PLCL1: variants seen among roughly 807,000 people sequenced by gnomAD.
PLCL1 encodes the protein phospholipase C like 1 (inactive), also known as inactive phospholipase C-like protein 1.
PLCL1 carries 41 observed loss-of-function variants against 84.4 expected under a neutral mutation model. The observed-to-expected ratio is 0.49, with a 90% CI of 0.38 to 0.63. The LOEUF (loss-of-function observed/expected upper bound fraction) is 0.63, where lower values mean the gene tolerates loss of function less well. Ranked by LOEUF, PLCL1 falls within the 30% of genes least tolerant of loss-of-function variation. PLCL1 has a pLI of 0.00. For missense variants in PLCL1, 1,206 were observed against 1,367.8 expected (o/e 0.88, Z 1.87); for synonymous variants, 490 against 488.3 (o/e 1.00, Z -0.05).
chr2:197,927,767 TA>T (rs1455180431), intron 1 of PLCL1, among the ~76,000 whole-genome samples: 1 of 152,186 alleles, frequency 6.6e-6, no homozygotes, highest in African/African-American at 2.4e-5. Context: ...GGTGAGATAC[TA>T]AGATGAAATA....
chr2:198,098,987 T>G (rs1297879995), intron 3 of PLCL1, among the ~76,000 whole-genome samples: 1 of 152,168 alleles, frequency 6.6e-6, no homozygotes, highest in Non-Finnish European at 1.5e-5. Flanking sequence ...AGTCCTCTAT[T>G]CTTTTAGAGA....
At chr2:198,116,185 T>G (rs1337156592) in intron 5 of PLCL1, among the ~76,000 whole-genome samples, 3 of 151,600 alleles carry the variant, frequency 2.0e-5, no homozygotes, top group African/African-American at 7.3e-5. Flanking sequence ...AGCAAAAAAG[T>G]TACCCTGGAG....
chr2:197,959,192 A>G (rs938683793), intron 1 of PLCL1, among the ~76,000 whole-genome samples: 9 of 152,078 alleles, frequency 5.9e-5, no homozygotes, highest in Non-Finnish European at 1.3e-4. Flanking sequence ...AAAGAGATTT[A>G]TTATTAAGAA....
rs764761564 is a variant in PLCL1 at position 198,083,951 on chromosome 2, G to A, written c.434G>A (p.Arg145His). 105 of 1,613,924 alleles carry A rather than the reference G, an allele frequency of 6.5e-5. No individual in the cohort carries two copies. Among genetic ancestry groups the A allele is most frequent in the Middle Eastern group, 3.3e-4 (2 of 6,082 alleles). Residue 145 changes from arginine (R) to histidine (H), a missense_variant, in exon 2 of 6, where the codon CGC becomes CAC. Coordinates refer to ENST00000428675, the MANE Select transcript of PLCL1 (RefSeq NM_006226.4). ...FTLDTDLQAL[R>H]WEPSKKDLEK... ...CTGGACACAGACCTTCAAGCTCTTC[G>A]CTGGGAACCTTCAAAGAAAGACCTC...
At chr2:198,115,367 C>G (rs1693719692) in intron 5 of PLCL1, among the ~76,000 whole-genome samples, 1 of 151,780 alleles carries the variant, frequency 6.6e-6, no homozygotes. Flanking sequence ...AGGTCTGTGT[C>G]TGGCCATGTC....
intron 1 of PLCL1, among the ~76,000 whole-genome samples, chr2:197,872,510 C>T (rs1192656528): frequency 6.6e-6 from 1 of 152,144 alleles, no homozygotes. Flanking sequence ...TGGTTAAGGG[C>T]TGTGCCACAG....
intron 1 of PLCL1, among the ~76,000 whole-genome samples, chr2:198,048,832 C>T (rs1309403301): frequency 6.6e-6 from 1 of 152,210 alleles, no homozygotes; most frequent in Non-Finnish European, 1.5e-5. Flanking sequence ...AGCGGCCCCA[C>T]CTCCCATTAC....
chr2:197,894,471 A>G (rs1411985185), intron 1 of PLCL1, among the ~76,000 whole-genome samples: 1 of 151,972 alleles, frequency 6.6e-6, no homozygotes, highest in Non-Finnish European at 1.5e-5. Flanking sequence ...TACATGGGAG[A>G]AGAGAAGGGG....
chr2:197,977,885 C>G (rs1690020099), intron 1 of PLCL1, among the ~76,000 whole-genome samples: 1 of 152,162 alleles, frequency 6.6e-6, no homozygotes, highest in South Asian at 2.1e-4. Flanking sequence ...CCCAGATTTT[C>G]CCACCTCTGT....
At chr2:198,114,251 C>G (rs1026976669) in intron 5 of PLCL1, among the ~76,000 whole-genome samples, 1 of 151,780 alleles carries the variant, frequency 6.6e-6, no homozygotes, top group Non-Finnish European at 1.5e-5. Flanking sequence ...GCTGTGCTGC[C>G]CAGGAGTTTA....
At chr2:197,809,550 C>G (rs1310424700) in intron 1 of PLCL1, among the ~76,000 whole-genome samples, 2 of 152,144 alleles carry the variant, frequency 1.3e-5, no homozygotes, top group Non-Finnish European at 2.9e-5. Flanking sequence ...CTGTCTTTGG[C>G]TATTTTGTTA....
intron 1 of PLCL1, among the ~76,000 whole-genome samples, chr2:197,978,550 A>T (rs1312805706): frequency 6.6e-6 from 1 of 152,258 alleles, no homozygotes. Flanking sequence ...CCACAAAAAC[A>T]TCACCAAAAC....
chr2:197,945,629 T>C (rs1689257028), intron 1 of PLCL1, among the ~76,000 whole-genome samples: 1 of 152,188 alleles, frequency 6.6e-6, no homozygotes, highest in Non-Finnish European at 1.5e-5. Context: ...TTGTGGGAAC[T>C]TGAGCAAGTT....
chr2:197,839,790 G>A (rs1686953139), intron 1 of PLCL1, among the ~76,000 whole-genome samples: 1 of 152,100 alleles, frequency 6.6e-6, no homozygotes. Context: ...ATCCATATAT[G>A]ATTTTTATTT....
At chr2:198,110,728 G>C (rs1258129301) in intron 5 of PLCL1, among the ~76,000 whole-genome samples, 1 of 151,750 alleles carries the variant, frequency 6.6e-6, no homozygotes, top group East Asian at 2.0e-4. Flanking sequence ...GTTCAAACCA[G>C]GCTCTTCCAA....
intron 1 of PLCL1, among the ~76,000 whole-genome samples, chr2:197,861,435 T>C (rs1687432512): frequency 6.6e-6 from 1 of 152,200 alleles, no homozygotes; most frequent in African/African-American, 2.4e-5. Context: ...GTATCCTTTG[T>C]AACATCGTTT....
chr2:198,094,043 T>A (rs1191636213), intron 3 of PLCL1, among the ~76,000 whole-genome samples: 5 of 152,122 alleles, frequency 3.3e-5, no homozygotes, highest in Non-Finnish European at 5.9e-5. Flanking sequence ...AATTCAGTCT[T>A]AAAAGTCATT....
intron 1 of PLCL1, among the ~76,000 whole-genome samples, chr2:197,823,997 G>C (rs1690874434): frequency 6.6e-6 from 1 of 152,182 alleles, no homozygotes; most frequent in South Asian, 2.1e-4. Flanking sequence ...ATTTAGCATA[G>C]CTCAATTTAA....
chr2:197,923,184 G>C (rs1209125998), intron 1 of PLCL1, among the ~76,000 whole-genome samples: 15 of 146,318 alleles, frequency 1.0e-4, no homozygotes, highest in African/African-American at 3.3e-4. Flanking sequence ...CCTCCCGGAC[G>C]GGGCGGCTGG....
Sources: gnomAD v4.1 joint callset for allele counts (sites outside exome capture counted in the v4.1 genomes callset) on GRCh38, gnomAD v4.1.1 for gene constraint, MANE v1.5 for transcripts, NCBI Gene and HGNC (gene_info 2026-07-23, HGNC 2026-07-21) for gene names.